Variants in SFMBT2 observed in about 807,000 individuals in gnomAD.
The protein encoded by SFMBT2 is Scm like with four mbt domains 2.
In SFMBT2, 38 loss-of-function variants were observed where a neutral mutation model predicts 110.1. The observed-to-expected ratio is 0.35, with a 90% CI of 0.27 to 0.45. The LOEUF (loss-of-function observed/expected upper bound fraction) is 0.45. Ranked by LOEUF, SFMBT2 falls within the 20% of genes least tolerant of loss-of-function variation. The pLI is 1.00. For synonymous variants in SFMBT2, 425 were observed against 425.4 expected (o/e 1.00, Z 0.01); for missense variants, 1,011 against 1,094.9 (o/e 0.92, Z 1.08).
In SFMBT2 at chr10:7,205,895, T is replaced by A. The variant is rs374066679; in HGVS notation, c.1364A>T (p.Asp455Val). 1 of 1,613,974 alleles carries A rather than the reference T, an allele frequency of 6.2e-7. No individual in the cohort carries two copies. Among genetic ancestry groups the A allele is most frequent in the Non-Finnish European group, 8.5e-7 (1 of 1,179,958 alleles). ...TGGGAAGATGTCCATGGATTCCACA[T>A]CAACAATGACCTCTGGAACAGGAGT... Reference protein sequence around the residue: ...LQTPVPEVIVDVESMDIFPVG... With the variant: ...LQTPVPEVIVVVESMDIFPVG... The change falls in exon 12 of 21, where the codon GAT becomes GTT. Residue 455 changes from aspartate (D) to valine (V), a missense_variant. By Grantham distance (152) the Asp-to-Val change is radical. Around this residue, in one of 2 missense-constraint regions of SFMBT2, gnomAD observed 979 missense variants for 1,016.1 expected, o/e 0.96. Coordinates refer to ENST00000397167, the MANE Select transcript of SFMBT2 (RefSeq NM_001387889.1).
rs796965811 is a variant in SFMBT2 at position 7,351,870 on chromosome 10, TA to T, written c.436+15778del. 4.4e-4 allele frequency among the ~76,000 whole-genome samples: 63 copies of T among 142,672 alleles called. No homozygotes were observed. The South Asian group carries it at 5.0e-3, about 11-fold the overall frequency. 93.6% of individuals were successfully genotyped at this position (142,672 alleles called of 152,430 possible). A position where few individuals can be genotyped will look rare whatever the true frequency, so the allele number is the denominator to read the frequency against. ...AAGGCCTATTAAAGCCTCTTACCTGTAAAAAAAAAAATATATATATATATAT... is the reference window on the plus strand; with the variant it reads ...AAGGCCTATTAAAGCCTCTTACCTGTAAAAAAAAAATATATATATATATAT... On this transcript the variant is annotated intron_variant, in intron 4 of 20. Transcript: ENST00000397167.
chr10:7,276,411 T>C (rs1408568473), intron 7 of SFMBT2, among the ~76,000 whole-genome samples: 3 of 152,208 alleles, frequency 2.0e-5, no homozygotes, highest in Admixed American at 2.0e-4. Context: ...TCTTGTAATA[T>C]GGGTCATTAT....
intron 12 of SFMBT2, chr10:7,205,511 A>G (rs2131611835): frequency 3.1e-6 from 3 of 958,058 alleles, no homozygotes; most frequent in Middle Eastern, 1.1e-3. Context: ...TATAGTATCT[A>G]ACATATTTTT....
chr10:7,372,510 C>T (rs1267868497), intron 2 of SFMBT2, among the ~76,000 whole-genome samples: 2 of 152,228 alleles, frequency 1.3e-5, no homozygotes, highest in African/African-American at 4.8e-5. Context: ...GATTGACGCC[C>T]TTCAAACAGA....
chr10:7,401,052 G>A (rs551905027), intron 1 of SFMBT2, among the ~76,000 whole-genome samples: 1 of 152,232 alleles, frequency 6.6e-6, no homozygotes, highest in Non-Finnish European at 1.5e-5. Flanking sequence ...AGAATTGCTT[G>A]AGCCCGGGAA....
intron 4 of SFMBT2, among the ~76,000 whole-genome samples, chr10:7,363,425 G>A (rs915244201): frequency 1.3e-5 from 2 of 151,638 alleles, no homozygotes; most frequent in African/African-American, 2.4e-5. Flanking sequence ...CTCGGCTCAC[G>A]GCAACCTTTG....
At chr10:7,211,660 G>C (rs1158135914) in intron 11 of SFMBT2, among the ~76,000 whole-genome samples, 1 of 152,090 alleles carries the variant, frequency 6.6e-6, no homozygotes, top group African/African-American at 2.4e-5. Flanking sequence ...ATTCTCATCT[G>C]CTGAAGCAGC....
chr10:7,202,093 G>C (rs1838973318), intron 13 of SFMBT2, among the ~76,000 whole-genome samples: 1 of 152,230 alleles, frequency 6.6e-6, no homozygotes, highest in African/African-American at 2.4e-5. Context: ...CTCTAGGAGA[G>C]GTGAGTAAGC....
intron 10 of SFMBT2, among the ~76,000 whole-genome samples, chr10:7,222,382 G>A (rs1339849472): frequency 6.6e-6 from 1 of 152,212 alleles, no homozygotes; most frequent in African/African-American, 2.4e-5. Context: ...GACAGACTGT[G>A]AAGTTTAAGC....
intron 9 of SFMBT2, among the ~76,000 whole-genome samples, chr10:7,232,275 G>A (rs1365801018): frequency 1.3e-5 from 2 of 152,006 alleles, no homozygotes; most frequent in African/African-American, 4.8e-5. Context: ...CAGTGTAAAT[G>A]GACAATTCTT....
intron 16 of SFMBT2, among the ~76,000 whole-genome samples, chr10:7,187,099 T>C (rs559087151): frequency 7.2e-5 from 11 of 152,376 alleles, no homozygotes; most frequent in African/African-American, 2.2e-4. Flanking sequence ...GTGCAAACAC[T>C]TGCAAAATGA....
intron 1 of SFMBT2, among the ~76,000 whole-genome samples, chr10:7,403,114 T>C (rs1183584653): frequency 3.3e-5 from 5 of 152,226 alleles, no homozygotes; most frequent in African/African-American, 7.2e-5. Context: ...TCTGCACTTA[T>C]ACATTTAAAA....
chr10:7,386,019 C>T (rs1288821261), intron 1 of SFMBT2, among the ~76,000 whole-genome samples: 1 of 151,820 alleles, frequency 6.6e-6, no homozygotes, highest in African/African-American at 2.4e-5. Context: ...AAAAAAAAGC[C>T]CCTCTCCTTA....
At position 7,163,850 on chromosome 10, in the gene SFMBT2, G is replaced by A. The variant is rs772076249; in HGVS notation, c.2605C>T (p.Leu869=). ...AACTTGATGGCAGGCCCCAGCTTCA[G>A]CTCCATGCACTCCTGCACCGTCGGA... is the stretch of plus-strand genomic sequence containing the variant. ...TLPTVQECME[L]KLGPAIKLCH... is the part of the protein sequence containing the mutation. Residue 869 remains leucine, a synonymous_variant, in exon 21 of 21, where the codon CTG becomes TTG. Coordinates refer to ENST00000397167, the MANE Select transcript of SFMBT2 (RefSeq NM_001387889.1). The surrounding 1 kb of genome is among the most constrained non-coding windows in gnomAD (Gnocchi z 4.8). 4.0e-5 allele frequency: 64 copies of A among 1,614,092 alleles called. 1 individual carries two copies. The Middle Eastern group carries it at 7.6e-3, about 191-fold the overall frequency.
At chr10:7,352,110 T>C (rs148844865) in intron 4 of SFMBT2, among the ~76,000 whole-genome samples, 44 of 150,670 alleles carry the variant, frequency 2.9e-4, no homozygotes, top group African/African-American at 9.2e-4. Context: ...ACACCAACAC[T>C]TCCCACCCCG....
At chr10:7,195,154 T>C (rs1242322928) in intron 15 of SFMBT2, among the ~76,000 whole-genome samples, 1 of 152,232 alleles carries the variant, frequency 6.6e-6, no homozygotes, top group African/African-American at 2.4e-5. Flanking sequence ...GACTGACAGC[T>C]GTGGCAGACG....
At chr10:7,371,041 A>T (rs1019242202) in intron 2 of SFMBT2, among the ~76,000 whole-genome samples, 22 of 152,240 alleles carry the variant, frequency 1.4e-4, no homozygotes, top group African/African-American at 5.3e-4. Context: ...TGTTTCTCCA[A>T]CCACAAGGAA....
intron 1 of SFMBT2, among the ~76,000 whole-genome samples, chr10:7,384,399 G>A (rs923306416): frequency 7.9e-5 from 12 of 151,820 alleles, no homozygotes; most frequent in African/African-American, 2.2e-4. Context: ...AAGAAAATAC[G>A]GTATCTACAG....
In SFMBT2 at chr10:7,172,501, C is replaced by A. The variant is rs143001605; in HGVS notation, c.2145G>T (p.Ser715=). ...RSSAVDFTAG[S]GEESEEEDAD... is the part of the protein sequence containing the mutation. ...TGCCCCGGGCAGAACATACCTCCCC[C>A]GAGCCCGCGGTGAAGTCCACGGCAG... The change falls in exon 18 of 21, where the codon TCG becomes TCT. Residue 715 remains serine, a synonymous_variant. Transcript: ENST00000397167. This position sits in a 1 kb window ranked among gnomAD's most constrained non-coding sequence, Gnocchi z 4.6. The A allele has an allele frequency of 1.2e-6, 2 of 1,613,964 alleles. No individual in the cohort carries two copies. The highest frequency in any genetic ancestry group is 2.7e-5 in the African/African-American group (2 of 75,070).
Sources: gnomAD v4.1 joint callset for allele counts (sites outside exome capture counted in the v4.1 genomes callset) on GRCh38, gnomAD v4.1.1 for gene constraint, gnomAD v4.1.1 regional missense constraint, Gnocchi (gnomAD v3.1) non-coding constraint, MANE v1.5 for transcripts, NCBI Gene and HGNC (gene_info 2026-07-23, HGNC 2026-07-21) for gene names.